The following RBFOX2 variants were observed in gnomAD, a reference collection of about 807,000 sequenced individuals.
The protein encoded by RBFOX2 is RNA binding protein fox-1 homolog 2.
In RBFOX2, 10 loss-of-function variants were observed where a neutral mutation model predicts 49.1. The ratio of observed to expected loss-of-function variants is 0.20; its 90% CI spans 0.13 to 0.35. The LOEUF is 0.35. Among genes scored for constraint, RBFOX2 ranks in the 10% least tolerant of loss-of-function variants. The pLI is 1.00. For missense variants in RBFOX2, 323 were observed against 486.9 expected, an observed-to-expected ratio of 0.66 and a Z score of 3.17; for synonymous variants, 183 against 187.4, an observed-to-expected ratio of 0.98 and a Z score of 0.19.
exon 12 of RBFOX2, chr22:35,741,752 C>T (rs763066840): frequency 6.5e-6 from 1 of 152,704 alleles, no homozygotes; most frequent in Non-Finnish European, 1.5e-5. Context: ...CTCAAGGTGC[C>T]TCAAGCTCAA....
intron 1 of RBFOX2, among the ~76,000 whole-genome samples, chr22:36,003,451 G>C (rs1400059811): frequency 6.6e-6 from 1 of 152,136 alleles, no homozygotes; most frequent in Non-Finnish European, 1.5e-5. Flanking sequence ...CATAAAAAAG[G>C]GGGAAAAAAT....
chr22:35,760,625 A>G (rs772805031), intron 8 of RBFOX2, among the ~76,000 whole-genome samples: 12 of 152,224 alleles, frequency 7.9e-5, no homozygotes, highest in Non-Finnish European at 1.6e-4. Flanking sequence ...CCTGTCCTTT[A>G]AAGAGGCAGA....
At chr22:35,805,461 C>CA (rs1173817556) in intron 2 of RBFOX2, among the ~76,000 whole-genome samples, 1 of 151,966 alleles carries the variant, frequency 6.6e-6, no homozygotes, top group East Asian at 1.9e-4. Context: ...TTAGAATGGC[C>CA]AAAATCCAGA....
chr22:35,745,267 CTG>C (rs1461162576), intron 11 of RBFOX2, among the ~76,000 whole-genome samples: 1 of 152,192 alleles, frequency 6.6e-6, no homozygotes, highest in Non-Finnish European at 1.5e-5. Context: ...TTGTTGCAGC[CTG>C]TGAGTCCTAA....
At chr22:36,009,788 C>A (rs148407196) in intron 1 of RBFOX2, among the ~76,000 whole-genome samples, 32 of 152,332 alleles carry the variant, frequency 2.1e-4, no homozygotes, top group African/African-American at 7.2e-4. Flanking sequence ...CCTGCCACTA[C>A]ACTTTCACAT....
chr22:35,873,719 T>C (rs1421392420), intron 1 of RBFOX2, among the ~76,000 whole-genome samples: 2 of 152,178 alleles, frequency 1.3e-5, no homozygotes, highest in Non-Finnish European at 2.9e-5. Flanking sequence ...CTTTGTTGCC[T>C]AGGTTGGAGT....
At chr22:35,954,430 T>C (rs1467569068) in intron 1 of RBFOX2, among the ~76,000 whole-genome samples, 1 of 152,224 alleles carries the variant, frequency 6.6e-6, no homozygotes, top group Non-Finnish European at 1.5e-5. Flanking sequence ...TTATTATCTA[T>C]GGCGAAAGCA....
rs568600689 is a variant in RBFOX2, at chr22:35,785,460, T to C, written c.253-3714A>G. Among the ~76,000 whole-genome samples, 19 of 152,310 alleles carry C rather than the reference T, an allele frequency of 1.2e-4. No individual in the cohort carries two copies. In the South Asian group the frequency reaches 2.5e-3, roughly 20 times the overall value. ...GCTGTTCTTATTCTCTCAAATGAGA[T>C]AGAAGTGAGTCCCCAACAGATTCTT... On this transcript the variant is annotated intron_variant, in intron 2 of 11. Coordinates refer to ENST00000405409, the Ensembl canonical transcript of RBFOX2.
At chr22:35,925,362 T>C (rs1456986863) in intron 1 of RBFOX2, among the ~76,000 whole-genome samples, 1 of 151,908 alleles carries the variant, frequency 6.6e-6, no homozygotes, top group Non-Finnish European at 1.5e-5. Flanking sequence ...TTACTAAAAA[T>C]AAAACATTAA....
chr22:35,870,115 T>A (rs774640714), intron 1 of RBFOX2, among the ~76,000 whole-genome samples: 29 of 152,186 alleles, frequency 1.9e-4, no homozygotes, highest in Non-Finnish European at 8.8e-5. Flanking sequence ...GTAGTCTATA[T>A]GCAAAAGAAA....
At chr22:35,863,411 C>T (rs970899513) in intron 1 of RBFOX2, among the ~76,000 whole-genome samples, 6 of 151,930 alleles carry the variant, frequency 3.9e-5, no homozygotes, top group African/African-American at 1.2e-4. Context: ...TTAACAGTAC[C>T]GAAAAACAAT....
intron 1 of RBFOX2, among the ~76,000 whole-genome samples, chr22:35,878,913 G>A (rs2045513060): frequency 6.6e-6 from 1 of 152,104 alleles, no homozygotes; most frequent in African/African-American, 2.4e-5. Flanking sequence ...TGTATTTTTA[G>A]TAGAGATGGG....
intron 1 of RBFOX2, among the ~76,000 whole-genome samples, chr22:35,862,103 C>T (rs902134779): frequency 3.3e-5 from 5 of 151,994 alleles, no homozygotes; most frequent in African/African-American, 1.2e-4. Context: ...AGCAGATAAG[C>T]GGTTGCTTGG....
rs552028890 is a variant in RBFOX2 at position 35,803,366 on chromosome 22, G to A, written c.252+6414C>T. Among the ~76,000 whole-genome samples the A allele has an allele frequency of 3.3e-5, 5 of 152,292 alleles. No homozygotes were observed. In the South Asian group the frequency reaches 8.3e-4, roughly 25 times the overall value. ...GGATTTAGCAGACAACGTTAAAGCAGTAAATACAAATATATTTTTAAAATT... is the reference window on the plus strand; with the variant it reads ...GGATTTAGCAGACAACGTTAAAGCAATAAATACAAATATATTTTTAAAATT... On this transcript the variant is annotated intron_variant, in intron 2 of 11. Transcript: ENST00000405409.
intron 4 of RBFOX2, 111 bp downstream of exon 5, chr22:35,777,914 A>C (rs1379330384): frequency 9.1e-7 from 1 of 1,103,734 alleles, no homozygotes; most frequent in African/African-American, 1.6e-5. Context: ...GATAATTAGG[A>C]TACTTTTATG....
At chr22:35,861,811 A>G (rs1323757102) in intron 1 of RBFOX2, among the ~76,000 whole-genome samples, 1 of 152,216 alleles carries the variant, frequency 6.6e-6, no homozygotes, top group African/African-American at 2.4e-5. Flanking sequence ...CATATAAAGA[A>G]TATGAATATG....
At chr22:35,862,467 T>C (rs1338082281) in intron 1 of RBFOX2, among the ~76,000 whole-genome samples, 2 of 152,088 alleles carry the variant, frequency 1.3e-5, no homozygotes, top group Non-Finnish European at 2.9e-5. Context: ...GGAAGACTGG[T>C]AGCAAATTCC....
intron 1 of RBFOX2, among the ~76,000 whole-genome samples, chr22:36,018,220 T>C (rs1053745039): frequency 6.6e-6 from 1 of 152,160 alleles, no homozygotes; most frequent in Non-Finnish European, 1.5e-5. Flanking sequence ...TTCAATCAAG[T>C]ATTAATCTAA....
At chr22:35,986,064 A>G (rs1312880055) in intron 1 of RBFOX2, among the ~76,000 whole-genome samples, 1 of 152,206 alleles carries the variant, frequency 6.6e-6, no homozygotes, top group Admixed American at 6.6e-5. Flanking sequence ...CTCAGATTAT[A>G]AAAGCAGCCA....
Sources: allele counts gnomAD v4.1 joint callset (sites outside exome capture counted in the v4.1 genomes callset), GRCh38; gene constraint gnomAD v4.1.1; transcripts MANE v1.5; gene names NCBI Gene and HGNC (gene_info 2026-07-23, HGNC 2026-07-21).